ZNF385D: variants seen among roughly 807,000 people sequenced by gnomAD.
ZNF385D encodes the protein zinc finger protein 659.
Under a neutral mutation model 35.8 loss-of-function variants are expected in ZNF385D, and 15 were observed. That is an observed-to-expected ratio of 0.42 (90% CI 0.28 to 0.64). The LOEUF (loss-of-function observed/expected upper bound fraction) is 0.64. Ranked by LOEUF, ZNF385D falls within the 30% of genes least tolerant of loss-of-function variation. The pLI is 0.23. For missense variants in ZNF385D, 474 were observed against 494.6 expected, an observed-to-expected ratio of 0.96 and a Z score of 0.39; for synonymous variants, 212 against 186.8, an observed-to-expected ratio of 1.13 and a Z score of -1.10.
chr3:22,066,890 A>G (rs146142699), intron 3 of ZNF385D, among the ~76,000 whole-genome samples: 1 of 152,196 alleles, frequency 6.6e-6, no homozygotes, highest in Non-Finnish European at 1.5e-5. Context: ...ACCTACGCTG[A>G]ATGCTTCATC....
At chr3:21,802,292 A>G (rs1258519530) in intron 3 of ZNF385D, among the ~76,000 whole-genome samples, 1 of 152,204 alleles carries the variant, frequency 6.6e-6, no homozygotes, top group Non-Finnish European at 1.5e-5. Context: ...TACAGCTTTA[A>G]TCATGATCAT....
chr3:22,071,295 T>C (rs370405771), intron 3 of ZNF385D, among the ~76,000 whole-genome samples: 2 of 152,146 alleles, frequency 1.3e-5, no homozygotes, highest in African/African-American at 2.4e-5. Context: ...TGTCCCAAAG[T>C]TGAAATCTTG....
At chr3:22,149,331 T>C (rs1705077972) in intron 3 of ZNF385D, among the ~76,000 whole-genome samples, 1 of 152,190 alleles carries the variant, frequency 6.6e-6, no homozygotes, top group African/African-American at 2.4e-5. Context: ...ATAACACTTA[T>C]TTTGTTGAAG....
intron 3 of ZNF385D, among the ~76,000 whole-genome samples, chr3:21,928,569 T>C (rs1700859932): frequency 6.6e-6 from 1 of 152,106 alleles, no homozygotes; most frequent in African/African-American, 2.4e-5. Flanking sequence ...AATTTGTTAT[T>C]TGAAAAGGTT....
At chr3:22,318,035 G>T (rs1234558802) in intron 2 of ZNF385D, among the ~76,000 whole-genome samples, 1 of 151,804 alleles carries the variant, frequency 6.6e-6, no homozygotes, top group African/African-American at 2.4e-5. Flanking sequence ...TCCAGCCTGG[G>T]CGACAGAGTG....
chr3:22,220,618 CATA>C (rs935934312), intron 2 of ZNF385D, among the ~76,000 whole-genome samples: 4 of 152,104 alleles, frequency 2.6e-5, no homozygotes, highest in Non-Finnish European at 4.4e-5. Context: ...TAGAATTTTG[CATA>C]ATAATTGTAT....
chr3:21,751,165 C>T lies in ZNF385D; in HGVS notation c.-249G>A, dbSNP rs996546871. The T allele has an allele frequency of 3.5e-6, 5 of 1,413,576 alleles. No homozygotes were observed. The highest frequency in any genetic ancestry group is 2.9e-5 in the Admixed American group (1 of 33,900). 87.6% of individuals were successfully genotyped at this position (1,413,576 alleles called of 1,614,324 possible). On this transcript the variant is annotated 5_prime_UTR_variant, in exon 1 of 8. Transcript: ENST00000281523. ...TGCACTGCCCATCCTTACTGTAATC[C>T]GACTCCTCCTTGCGATGTCCTTGCC...
At chr3:21,735,795 G>A (rs1218023200) in intron 1 of ZNF385D, among the ~76,000 whole-genome samples, 1 of 152,188 alleles carries the variant, frequency 6.6e-6, no homozygotes. Flanking sequence ...AAAGCTGATT[G>A]GTTGCCTTGT....
intron 3 of ZNF385D, among the ~76,000 whole-genome samples, chr3:22,030,339 A>G (rs749843075): frequency 4.1e-4 from 52 of 126,646 alleles, no homozygotes; most frequent in Admixed American, 1.6e-3. Context: ...ACTCTGACTA[A>G]TATGGTTTAA....
In ZNF385D at chr3:21,980,705, T is replaced by C. The variant is rs923103396; in HGVS notation, c.325+188112A>G. Among the ~76,000 whole-genome samples the C allele has an allele frequency of 9.2e-5, 14 of 152,282 alleles. No homozygotes were observed. The East Asian group carries it at 2.1e-3, about 23-fold the overall frequency. On this transcript the variant is annotated intron_variant, in intron 3 of 5. Transcript: ENST00000494108. ...ATCCAATAGTTATCTTTGCTGTTCC[T>C]ATCCCTCCTCTTTCTTCCAACCTCA...
chr3:22,019,057 T>TTTTTTTTTTTTTTTTTTTTTTTTC, intron 3 of ZNF385D, among the ~76,000 whole-genome samples: 1 of 107,606 alleles, frequency 9.3e-6, no homozygotes, highest in Non-Finnish European at 2.0e-5. Flanking sequence ...TTTTTTTTTT[T>TTTTTTTTTTTTTTTTTTTTTTTTC]TTTTTTTTTT....
Position 22,136,874 on chromosome 3 carries a change from C to A in ZNF385D, c.325+31943G>T, listed in dbSNP as rs760381490. Among the ~76,000 whole-genome samples the A allele has an allele frequency of 5.9e-5, 9 of 151,942 alleles. 1 individual carries two copies. The highest frequency in any genetic ancestry group is 2.2e-4 in the African/African-American group (9 of 41,340). On this transcript the variant is annotated intron_variant, in intron 3 of 5. Transcript: ENST00000494108. ...GTAGAATTCCAACTATGTGACATTA[C>A]GGAAAAGGCAAAACTATGAAATCGG...
At chr3:22,324,572 C>G (rs1251786634) in intron 2 of ZNF385D, among the ~76,000 whole-genome samples, 1 of 152,020 alleles carries the variant, frequency 6.6e-6, no homozygotes, top group Non-Finnish European at 1.5e-5. Context: ...TTTCATTATC[C>G]TATGAGCATT....
At chr3:21,750,138 A>G (rs1340694356) in intron 1 of ZNF385D, among the ~76,000 whole-genome samples, 1 of 152,242 alleles carries the variant, frequency 6.6e-6, no homozygotes, top group East Asian at 1.9e-4. Flanking sequence ...TGCCTCCTGT[A>G]CTAGCAGTAA....
chr3:22,010,324 GC>G (rs1387516915), intron 3 of ZNF385D, among the ~76,000 whole-genome samples: 1 of 152,106 alleles, frequency 6.6e-6, no homozygotes, highest in Non-Finnish European at 1.5e-5. Context: ...CTGAAGTGGG[GC>G]AAATCAAAAT....
intron 3 of ZNF385D, among the ~76,000 whole-genome samples, chr3:22,139,706 G>A (rs1704378016): frequency 6.6e-6 from 1 of 152,004 alleles, no homozygotes; most frequent in Non-Finnish European, 1.5e-5. Context: ...CATGGCACAT[G>A]TATACATATG....
chr3:21,602,417 C>T (rs2125765854), intron 2 of ZNF385D, among the ~76,000 whole-genome samples: 1 of 150,790 alleles, frequency 6.6e-6, no homozygotes, highest in Admixed American at 6.6e-5. Flanking sequence ...ACATAGAACT[C>T]TTATTTTACG....
chr3:21,810,922 A>T (rs1306976571), intron 3 of ZNF385D, among the ~76,000 whole-genome samples: 5 of 150,876 alleles, frequency 3.3e-5, no homozygotes, highest in African/African-American at 9.8e-5. Context: ...TAATGAAAAC[A>T]TATATACACA....
chr3:21,732,484 T>A (rs2069066883), intron 1 of ZNF385D, among the ~76,000 whole-genome samples: 1 of 152,214 alleles, frequency 6.6e-6, no homozygotes, highest in Admixed American at 6.5e-5. Flanking sequence ...CTAACGTGCC[T>A]GTAGCATTTT....
Sources: gnomAD v4.1 joint callset for allele counts (sites outside exome capture counted in the v4.1 genomes callset) on GRCh38, gnomAD v4.1.1 for gene constraint, MANE v1.5 for transcripts, NCBI Gene and HGNC (gene_info 2026-07-23, HGNC 2026-07-21) for gene names.